TLR1: variants seen among roughly 807,000 people sequenced by gnomAD.
The protein encoded by TLR1 is toll like receptor 1.
A neutral mutation model predicts 20.2 loss-of-function variants in TLR1; 19 were observed. The ratio of observed to expected loss-of-function variants is 0.94; its 90% CI spans 0.66 to 1.38. The LOEUF is 1.38. TLR1 is among the 40% of genes most tolerant of loss of function. TLR1 has a pLI of 0.00. For missense variants in TLR1, 921 were observed against 910.0 expected (o/e 1.01, Z -0.16); for synonymous variants, 320 against 334.5 (o/e 0.96, Z 0.47).
chr4:38,788,520 G>A (rs1725652807), downstream of TLR1, among the ~76,000 whole-genome samples: 1 of 152,138 alleles, frequency 6.6e-6, no homozygotes, highest in African/African-American at 2.4e-5. Flanking sequence ...ACATGCCATT[G>A]TTGCTTGCAC....
chr4:38,789,557 G>T (rs905981092), downstream of TLR1, among the ~76,000 whole-genome samples: 1 of 151,356 alleles, frequency 6.6e-6, no homozygotes, highest in African/African-American at 2.4e-5. Flanking sequence ...TCGCCTTCCA[G>T]GTTCAAGTGA....
rs1726324088 is a variant in TLR1 at position 38,798,357 on chromosome 4, T to C, written c.475A>G (p.Ile159Val). ...THLEKSSVLP[I>V]AHLNISKVLL... ...ACCTTGCTGATATTCAAATGAGCAATTGGCAGCACACTAGATTTTTCTAAG... is the reference window on the plus strand; with the variant it reads ...ACCTTGCTGATATTCAAATGAGCAACTGGCAGCACACTAGATTTTTCTAAG... Residue 159 changes from isoleucine to valine, a missense_variant, in exon 4 of 4, where the codon ATT (isoleucine) becomes GTT (valine). Ile to Val is a conservative substitution (Grantham distance 29). Coordinates refer to ENST00000308979, the MANE Select transcript of TLR1 (RefSeq NM_003263.4). 7 of 1,613,974 alleles carry C rather than the reference T, an allele frequency of 4.3e-6. No homozygotes were observed. Among genetic ancestry groups the C allele is most frequent in the South Asian group, 1.1e-5 (1 of 91,072 alleles).
At chr4:38,794,894 T>G (rs1322095417), downstream of TLR1, among the ~76,000 whole-genome samples, 11 of 152,042 alleles carry the variant, frequency 7.2e-5, no homozygotes, top group Admixed American at 7.2e-4. Context: ...GGCTTTTTGG[T>G]TTTTGTTGCT....
downstream of TLR1, among the ~76,000 whole-genome samples, chr4:38,792,995 C>G (rs1725816036): frequency 2.6e-5 from 4 of 151,792 alleles, no homozygotes; most frequent in Admixed American, 2.6e-4. Flanking sequence ...GTGGAGGTCC[C>G]CCGAGTGAGG....
chr4:38,803,093 T>C (rs5743577), intron 2 of TLR1, among the ~76,000 whole-genome samples: 1 of 152,174 alleles, frequency 6.6e-6, no homozygotes, highest in African/African-American at 2.4e-5. Flanking sequence ...CGCACAGTTG[T>C]GTGTGGAAGC....
At chr4:38,792,984 G>A (rs1468241977), downstream of TLR1, among the ~76,000 whole-genome samples, 2 of 151,658 alleles carry the variant, frequency 1.3e-5, no homozygotes, top group African/African-American at 4.9e-5. Flanking sequence ...TCTCAATTTT[G>A]GTGGAGGTCC....
chr4:38,794,193 G>A (rs894082296), downstream of TLR1, among the ~76,000 whole-genome samples: 1 of 152,160 alleles, frequency 6.6e-6, no homozygotes, highest in African/African-American at 2.4e-5. Flanking sequence ...TTGAAACTTG[G>A]TTATGAAATC....
chr4:38,793,506 T>C (rs1002357510), downstream of TLR1, among the ~76,000 whole-genome samples: 1 of 152,190 alleles, frequency 6.6e-6, no homozygotes. Flanking sequence ...ATATTTATCA[T>C]ACTTTGGCCT....
downstream of TLR1, among the ~76,000 whole-genome samples, chr4:38,788,718 T>C (rs1233292858): frequency 3.3e-5 from 5 of 152,264 alleles, no homozygotes; most frequent in African/African-American, 1.2e-4. Flanking sequence ...TTAAATAAAC[T>C]ATATTTAGGG....
intron 2 of TLR1, among the ~76,000 whole-genome samples, chr4:38,802,132 G>A (rs140068693): frequency 6.6e-6 from 1 of 152,312 alleles, no homozygotes; most frequent in African/African-American, 2.4e-5. Context: ...AGGAGGCAGA[G>A]GTTGCAGTGA....
Position 38,800,865 on chromosome 4 carries a change from AG to A in TLR1, c.-77del, listed in dbSNP as rs1232431788. On this transcript the variant is annotated 5_prime_UTR_variant, in exon 3 of 4. The change abolishes the stop of an existing upstream ORF in the 5' untranslated region. Coordinates refer to ENST00000308979, the MANE Select transcript of TLR1 (RefSeq NM_003263.4). ...GCCTTCCTTGGACTTACCCTTTTGT[AG>A]GGGTGCCCAATATGCCTTTGTTATC... The A allele has an allele frequency of 6.6e-6, 1 of 152,628 alleles. No homozygotes were observed. The highest frequency in any genetic ancestry group is 1.5e-5 in the Non-Finnish European group (1 of 68,014). 9.5% of individuals were successfully genotyped at this position (152,628 alleles called of 1,614,324 possible).
In TLR1 at chr4:38,797,261, T is replaced by C. The variant is rs1043697206; in HGVS notation, c.1571A>G (p.Asn524Ser). The change falls in exon 4 of 4, where the codon AAT becomes AGT. Residue 524 changes from asparagine to serine, a missense_variant. Asn to Ser is a conservative substitution (Grantham distance 46). Transcript: ENST00000308979. Reference protein sequence around the residue: ...QKMRSIKAGDNPFQCTCELGE... With the variant: ...QKMRSIKAGDSPFQCTCELGE... ...TAGCTCACAGGTACATTGGAATGGA[T>C]TGTCCCCTGCTTTTATTGACCTCAT... 1.2e-6 allele frequency: 2 copies of C among 1,614,100 alleles called. No individual in the cohort carries two copies. The highest frequency in any genetic ancestry group is 1.7e-6 in the Non-Finnish European group (2 of 1,180,046).
rs1211819360 is a variant in TLR1, at chr4:38,796,778, GTGA to G, written c.2051_2053del (p.Ile684del). On this transcript the variant is annotated inframe_deletion, in exon 4 of 4. Transcript: ENST00000308979. ...GGACTTGTAACTCTTCTCAATGCAG[GTGA>G]TGATATTTTCCACAATGCTCTTGCC... is the stretch of plus-strand genomic sequence containing the variant. The G allele has an allele frequency of 3.1e-6, 5 of 1,614,088 alleles. No homozygotes were observed. The African/African-American group carries it at 4.0e-5, about 13-fold the overall frequency.
Position 38,798,885 on chromosome 4 carries a change from TACAG to T in TLR1, c.-58_-55del. 7.9e-7 allele frequency: 1 copy of T among 1,265,418 alleles called. No homozygotes were observed. 78.4% of individuals were successfully genotyped at this position (1,265,418 alleles called of 1,614,324 possible). A position where few individuals can be genotyped will look rare whatever the true frequency, so the allele number is the denominator to read the frequency against. ...GAAGCTGTTCTTCAGATCATCTTGA[TACAG>T]ATACAGATTCTAGAAAAAAAATAAT... On this transcript the variant is annotated 5_prime_UTR_variant, in exon 4 of 4. The change abolishes the stop of an existing upstream ORF in the 5' untranslated region. Coordinates refer to ENST00000308979, the MANE Select transcript of TLR1 (RefSeq NM_003263.4).
At chr4:38,801,332 G>A (rs141942586) in intron 2 of TLR1, among the ~76,000 whole-genome samples, 132 of 152,286 alleles carry the variant, frequency 8.7e-4, no homozygotes, top group African/African-American at 3.0e-3. Flanking sequence ...CCAGAAGAGG[G>A]CCTTCGCCAG....
Position 38,798,414 on chromosome 4 carries a change from G to A in TLR1, c.418C>T (p.Gln140Ter), listed in dbSNP as rs1560459980. 1.2e-6 allele frequency: 2 copies of A among 1,613,392 alleles called. No homozygotes were observed. The highest frequency in any genetic ancestry group is 1.7e-6 in the Non-Finnish European group (2 of 1,179,612). ...PICKEFGNMS[Q>*]LKFLGLSTTH... is the part of the protein sequence containing the mutation. ...GTGCTCAACCCCAGAAATTTTAGTT[G>A]AGACATATTGCCAAACTCTTTGCAT... The change falls in exon 4 of 4, where the codon CAA becomes TAA. Residue 140 changes from glutamine (Q) to a stop codon, truncating the protein, a stop_gained. Transcript: ENST00000308979. LOFTEE classifies it low-confidence loss of function (END_TRUNC).
At chr4:38,788,445 C>T (rs77478614), downstream of TLR1, among the ~76,000 whole-genome samples, 4,245 of 152,192 alleles carry the variant, frequency 0.028, 207 homozygotes, top group African/African-American at 0.093. Context: ...AATCATATAA[C>T]AAATATCCAA....
chr4:38,803,262 C>T (rs1245796480), intron 2 of TLR1, among the ~76,000 whole-genome samples: 1 of 152,152 alleles, frequency 6.6e-6, no homozygotes, highest in Admixed American at 6.5e-5. Flanking sequence ...CCCCTCAGAC[C>T]TCAGTATGGG....
intron 1 of TLR1, 130 bp from the exon 2 acceptor site, chr4:38,804,512 T>C (rs964613582): frequency 4.6e-5 from 7 of 152,286 alleles, no homozygotes; most frequent in Admixed American, 3.3e-4. Flanking sequence ...CTCAAAAATA[T>C]TTCCTATAAG....
Sources: allele counts gnomAD v4.1 joint callset (sites outside exome capture counted in the v4.1 genomes callset), GRCh38; gene constraint gnomAD v4.1.1; transcripts MANE v1.5; gene names NCBI Gene and HGNC (gene_info 2026-07-23, HGNC 2026-07-21).